The following DLG2 variants were observed in gnomAD, a reference collection of about 807,000 sequenced individuals.
DLG2 encodes discs large MAGUK scaffold protein 2.
In DLG2, 45 loss-of-function variants were observed where a neutral mutation model predicts 132.5. That is an observed-to-expected ratio of 0.34 (90% confidence interval 0.27 to 0.44). DLG2 has a LOEUF of 0.44. Ranked by LOEUF, DLG2 falls within the 20% of genes least tolerant of loss-of-function variation. The pLI is 1.00. For missense variants in DLG2, 1,045 were observed against 1,196.9 expected, an observed-to-expected ratio of 0.87 and a Z score of 1.87; for synonymous variants, 424 against 419.6, an observed-to-expected ratio of 1.01 and a Z score of -0.13.
chr11:84,565,165 C>G (rs903378956), intron 6 of DLG2, among the ~76,000 whole-genome samples: 1 of 151,746 alleles, frequency 6.6e-6, no homozygotes, highest in Non-Finnish European at 1.5e-5. Context: ...TGTAAGTGAC[C>G]AGCTTGTCCA....
At chr11:85,269,913 T>A (rs182695519) in intron 4 of DLG2, among the ~76,000 whole-genome samples, 3 of 152,320 alleles carry the variant, frequency 2.0e-5, no homozygotes, top group Non-Finnish European at 2.9e-5. Flanking sequence ...ACCCATCTTA[T>A]ATGAATGTTA....
At chr11:85,138,073 C>A (rs1272057932) in intron 5 of DLG2, among the ~76,000 whole-genome samples, 1 of 151,948 alleles carries the variant, frequency 6.6e-6, no homozygotes, top group Admixed American at 6.6e-5. Context: ...TTGAGTGAAC[C>A]AATAATTGCT....
intron 6 of DLG2, among the ~76,000 whole-genome samples, chr11:84,748,171 T>TCTG (rs1471923033): frequency 6.6e-6 from 1 of 152,174 alleles, no homozygotes; most frequent in African/African-American, 2.4e-5. Flanking sequence ...GTGTGAGAAA[T>TCTG]CTGCTCTCTT....
chr11:83,644,653 GA>G (rs1258400596), intron 18 of DLG2, among the ~76,000 whole-genome samples: 1 of 152,040 alleles, frequency 6.6e-6, no homozygotes, highest in Admixed American at 6.6e-5. Flanking sequence ...AACAGGAGCT[GA>G]ATAGAAATTC....
chr11:83,775,153 C>A (rs893557246), intron 18 of DLG2, among the ~76,000 whole-genome samples: 12 of 152,224 alleles, frequency 7.9e-5, no homozygotes, highest in African/African-American at 2.9e-4. Flanking sequence ...TCCAACTCCA[C>A]CAGCATGAAC....
chr11:85,124,350 G>T (rs2074805772), intron 5 of DLG2, among the ~76,000 whole-genome samples: 1 of 152,134 alleles, frequency 6.6e-6, no homozygotes, highest in Non-Finnish European at 1.5e-5. Flanking sequence ...TGATGCTAAT[G>T]GTAATGAAAG....
chr11:84,526,775 GTT>G (rs775164278), intron 7 of DLG2, among the ~76,000 whole-genome samples: 3 of 120,380 alleles, frequency 2.5e-5, no homozygotes, highest in Non-Finnish European at 3.5e-5. Flanking sequence ...CACTGGGGGT[GTT>G]TTTTTTTTTT....
At chr11:85,591,666 G>A (rs1270004121) in intron 3 of DLG2, among the ~76,000 whole-genome samples, 1 of 152,150 alleles carries the variant, frequency 6.6e-6, no homozygotes, top group Admixed American at 6.5e-5. Context: ...TCCCTTGAAT[G>A]GGAGGTGGAG....
At chr11:84,210,208 G>A (rs909661605) in intron 8 of DLG2, among the ~76,000 whole-genome samples, 1 of 151,842 alleles carries the variant, frequency 6.6e-6, no homozygotes, top group Non-Finnish European at 1.5e-5. Context: ...GCTTGAACCT[G>A]GGAGGTGGAG....
chr11:83,889,649 C>T (rs1215256854), intron 15 of DLG2, among the ~76,000 whole-genome samples: 1 of 152,094 alleles, frequency 6.6e-6, no homozygotes, highest in Non-Finnish European at 1.5e-5. Flanking sequence ...GCTATAAAGA[C>T]ACATGCACAT....
In DLG2 at chr11:85,603,802, A is replaced by C. The variant is rs534051977; in HGVS notation, c.-92-5014T>G. Among the ~76,000 whole-genome samples the C allele has an allele frequency of 5.9e-5, 9 of 152,212 alleles. No individual in the cohort carries two copies. In the East Asian group the frequency reaches 1.7e-3, roughly 29 times the overall value. ...TGTGGTGGTGCACGTCTGCACTCCCAGCTACTCAGAAGGCTGAGATGGGAG... is the reference window on the plus strand; with the variant it reads ...TGTGGTGGTGCACGTCTGCACTCCCCGCTACTCAGAAGGCTGAGATGGGAG... On this transcript the variant is annotated intron_variant, in intron 2 of 27. Coordinates refer to ENST00000376104, the MANE Select transcript of DLG2 (RefSeq NM_001142699.3).
At chr11:83,501,367 T>G (rs1403777889) in intron 21 of DLG2, among the ~76,000 whole-genome samples, 2 of 152,140 alleles carry the variant, frequency 1.3e-5, no homozygotes, top group African/African-American at 4.8e-5. Context: ...GAAGTCCGAC[T>G]AACTGATCAG....
chr11:85,468,227 A>G (rs1051802528), intron 3 of DLG2, among the ~76,000 whole-genome samples: 4 of 151,728 alleles, frequency 2.6e-5, no homozygotes, highest in Non-Finnish European at 5.9e-5. Flanking sequence ...TCTTGCTAGC[A>G]GGCTATCAAT....
chr11:83,704,704 G>A (rs975562177), intron 18 of DLG2, among the ~76,000 whole-genome samples: 2 of 151,254 alleles, frequency 1.3e-5, no homozygotes, highest in East Asian at 1.9e-4. Flanking sequence ...GCACAGGCCT[G>A]TAATTCTAGC....
At chr11:85,483,708 C>T (rs1306495420) in intron 3 of DLG2, among the ~76,000 whole-genome samples, 1 of 151,892 alleles carries the variant, frequency 6.6e-6, no homozygotes, top group East Asian at 1.9e-4. Flanking sequence ...CTTTGGGATG[C>T]CAAGGCAGGT....
intron 14 of DLG2, among the ~76,000 whole-genome samples, chr11:83,932,979 C>T (rs1192254944): frequency 3.9e-5 from 6 of 152,138 alleles, no homozygotes; most frequent in Admixed American, 2.0e-4. Flanking sequence ...CTGTGAGAGT[C>T]GCTCCAATGG....
intron 20 of DLG2, among the ~76,000 whole-genome samples, chr11:83,538,036 T>A (rs2095942354): frequency 6.6e-6 from 1 of 152,112 alleles, no homozygotes; most frequent in African/African-American, 2.4e-5. Flanking sequence ...TTGATACAAT[T>A]AGAATAGTAG....
intron 6 of DLG2, among the ~76,000 whole-genome samples, chr11:85,093,530 G>C (rs1243858867): frequency 6.6e-6 from 1 of 152,140 alleles, no homozygotes; most frequent in Non-Finnish European, 1.5e-5. Flanking sequence ...ATTTATAAAG[G>C]AAAGAAGTTT....
intron 18 of DLG2, among the ~76,000 whole-genome samples, chr11:83,716,812 T>C (rs2086814660): frequency 6.6e-6 from 1 of 152,214 alleles, no homozygotes; most frequent in Non-Finnish European, 1.5e-5. Flanking sequence ...TATAAGTCTT[T>C]CTTTTACTAG....
Sources: allele counts gnomAD v4.1 joint callset (sites outside exome capture counted in the v4.1 genomes callset), GRCh38; gene constraint gnomAD v4.1.1; transcripts MANE v1.5; gene names NCBI Gene and HGNC (gene_info 2026-07-23, HGNC 2026-07-21).